The following PPP1R12A variants were observed in gnomAD, a reference collection of about 807,000 sequenced individuals.
PPP1R12A encodes myosin binding subunit.
PPP1R12A carries 19 observed loss-of-function variants against 139.6 expected under a neutral mutation model. The ratio of observed to expected loss-of-function variants is 0.14; its 90% confidence interval spans 0.09 to 0.20. The LOEUF (loss-of-function observed/expected upper bound fraction) is 0.20, where lower values mean the gene tolerates loss of function less well. Ranked by LOEUF, PPP1R12A falls within the 10% of genes least tolerant of loss-of-function variation. The pLI is 1.00. For missense variants in PPP1R12A, 925 were observed against 1,211.5 expected (o/e 0.76, Z 3.51); for synonymous variants, 427 against 420.6 (o/e 1.02, Z -0.19).
intron 2 of PPP1R12A, among the ~76,000 whole-genome samples, chr12:79,850,348 G>C (rs966858550): frequency 2.0e-5 from 3 of 152,176 alleles, no homozygotes; most frequent in African/African-American, 4.8e-5. Flanking sequence ...TGGTATATTA[G>C]ATAAACAGGT....
chr12:79,876,847 T>TAAA (rs1883152857), intron 1 of PPP1R12A, among the ~76,000 whole-genome samples: 1 of 151,914 alleles, frequency 6.6e-6, no homozygotes, highest in African/African-American at 2.4e-5. Flanking sequence ...CTGTCTCTAC[T>TAAA]AAAAATACAA....
intron 14 of PPP1R12A, among the ~76,000 whole-genome samples, chr12:79,802,044 T>C (rs892519281): frequency 6.6e-6 from 1 of 152,182 alleles, no homozygotes; most frequent in Non-Finnish European, 1.5e-5. Context: ...AATAAGAGAA[T>C]AACTAATAAT....
At chr12:79,812,829 T>C (rs1275942908) in intron 9 of PPP1R12A, among the ~76,000 whole-genome samples, 1 of 152,196 alleles carries the variant, frequency 6.6e-6, no homozygotes, top group Non-Finnish European at 1.5e-5. Context: ...CAATCTCCTA[T>C]GTTTCAAACT....
At chr12:79,800,325 A>C (rs575427459) in intron 14 of PPP1R12A, among the ~76,000 whole-genome samples, 2 of 152,286 alleles carry the variant, frequency 1.3e-5, no homozygotes, top group Admixed American at 1.3e-4. Context: ...CCTCAGTGTG[A>C]AGACGAAGAG....
intron 1 of PPP1R12A, among the ~76,000 whole-genome samples, chr12:79,933,642 T>C (rs970759711): frequency 2.6e-5 from 4 of 152,250 alleles, no homozygotes; most frequent in African/African-American, 4.8e-5. Context: ...TTGTCACCTA[T>C]TACCGTCACT....
chr12:79,828,306 T>C lies in PPP1R12A; in HGVS notation c.792+14A>G, dbSNP rs1316508542. The C allele has an allele frequency of 1.6e-5, 26 of 1,598,312 alleles. No individual in the cohort carries two copies. Among genetic ancestry groups the C allele is most frequent in the Non-Finnish European group, 1.7e-5 (20 of 1,172,146 alleles). On this transcript the variant is annotated intron_variant, in intron 5 of 24. Transcript: ENST00000450142. ...CTAAAAGTTAAAGTATTAAAATACG[T>C]TTAAAACGCCTACCACTTTGTTGAC...
intron 23 of PPP1R12A, chr12:79,779,514 C>T (rs1487117165): frequency 2.2e-6 from 1 of 465,104 alleles, no homozygotes; most frequent in Non-Finnish European, 3.9e-6. Context: ...AGACAGAATC[C>T]TACTGATCGT....
rs182597654 is a variant in PPP1R12A, at chr12:79,775,343, G to C, written c.*586C>G. ...ACAACACAGCATTAGCCTAATACAT[G>C]ACAATAATCACAGAAGAGCAAGTGT... is the stretch of plus-strand genomic sequence containing the variant. On this transcript the variant is annotated 3_prime_UTR_variant, in exon 25 of 25. Transcript: ENST00000450142. 83 of 152,580 alleles carry C rather than the reference G, an allele frequency of 5.4e-4. No individual in the cohort carries two copies. The highest frequency in any genetic ancestry group is 6.0e-4 in the Non-Finnish European group (41 of 67,998). 9.5% of individuals were successfully genotyped at this position (152,580 alleles called of 1,614,324 possible).
At chr12:79,811,917 GAGTC>G (rs559009859) in intron 9 of PPP1R12A, among the ~76,000 whole-genome samples, 279 of 152,216 alleles carry the variant, frequency 1.8e-3, no homozygotes, top group Middle Eastern at 6.8e-3. Flanking sequence ...AAAACAGCCA[GAGTC>G]AGTCAGTCAG....
chr12:79,935,140 G>T (rs912164368), upstream of PPP1R12A: 26 of 1,339,692 alleles, frequency 1.9e-5, no homozygotes, highest in East Asian at 2.2e-4. Flanking sequence ...TCCTACCACA[G>T]AAGCCCTCCC....
At chr12:79,932,950 A>G (rs189996603) in intron 1 of PPP1R12A, among the ~76,000 whole-genome samples, 19 of 152,326 alleles carry the variant, frequency 1.2e-4, no homozygotes, top group Non-Finnish European at 2.5e-4. Flanking sequence ...TCCTACAGTA[A>G]TAATCGTCTT....
At chr12:79,899,727 GC>G (rs1341764991) in intron 1 of PPP1R12A, among the ~76,000 whole-genome samples, 1 of 151,892 alleles carries the variant, frequency 6.6e-6, no homozygotes, top group Non-Finnish European at 1.5e-5. Context: ...TTTTCTCTTG[GC>G]TAAACATAAG....
At position 79,925,269 on chromosome 12, in the gene PPP1R12A, T is replaced by C. The variant is rs563072890; in HGVS notation, c.237+9426A>G. On this transcript the variant is annotated intron_variant, in intron 1 of 24. Transcript: ENST00000450142. ...TTGAGTGCATACGTGTACGTGTGTG[T>C]GTGTGTGTGTGTAACAGTCCATGAA... Among the ~76,000 whole-genome samples, 283 of 152,278 alleles carry C rather than the reference T, an allele frequency of 1.9e-3. 1 individual carries two copies. Among genetic ancestry groups the C allele is most frequent in the African/African-American group, 6.4e-3 (266 of 41,552 alleles).
chr12:79,805,564 C>T lies in PPP1R12A; in HGVS notation c.2000+28G>A, dbSNP rs1442623441. On this transcript the variant is annotated intron_variant, in intron 14 of 24. Coordinates refer to ENST00000450142, the MANE Select transcript of PPP1R12A (RefSeq NM_002480.3). The stretch of plus-strand genomic sequence containing the variant: ...ACTTTCATCACTGGGCAAGATATAT[C>T]AGCAGTACTGTTATGACCTTTACAC... The T allele has an allele frequency of 7.5e-6, 12 of 1,599,534 alleles. No individual in the cohort carries two copies. In the African/African-American group the frequency reaches 1.5e-4, roughly 20 times the overall value.
At chr12:79,912,445 AC>A (rs1886649034) in intron 1 of PPP1R12A, among the ~76,000 whole-genome samples, 1 of 152,078 alleles carries the variant, frequency 6.6e-6, no homozygotes, top group African/African-American at 2.4e-5. Flanking sequence ...TAATCCCCAC[AC>A]TTTGGAAGGC....
At chr12:79,809,026 TAAATTATATTTATCCA>T (rs1394652092) in intron 10 of PPP1R12A, among the ~76,000 whole-genome samples, 3 of 152,130 alleles carry the variant, frequency 2.0e-5, no homozygotes, top group Non-Finnish European at 4.4e-5. Flanking sequence ...AAATATTATT[TAAATTATATTTATCCA>T]AATATGGCTA....
intron 15 of PPP1R12A, among the ~76,000 whole-genome samples, chr12:79,797,667 T>C (rs1274315668): frequency 3.9e-5 from 6 of 152,076 alleles, no homozygotes; most frequent in Admixed American, 3.9e-4. Flanking sequence ...TGTTTGTATA[T>C]TATAAATATT....
At chr12:79,919,988 C>T (rs1887314308) in intron 1 of PPP1R12A, among the ~76,000 whole-genome samples, 2 of 152,170 alleles carry the variant, frequency 1.3e-5, no homozygotes, top group African/African-American at 2.4e-5. Flanking sequence ...ATTTTTGTCA[C>T]CCTAAAAAGT....
At position 79,872,892 on chromosome 12, in the gene PPP1R12A, T is replaced by C; in HGVS notation, c.284A>G (p.Asn95Ser). ...ATCAGGTTGATTAATATTTGCTCCA[T>C]TTTCTACCAGAAACTTCACCATATC... ...NVDMVKFLVE[N>S]GANINQPDNE... The change falls in exon 2 of 25, where the codon AAT (asparagine) becomes AGT (serine). Residue 95 changes from asparagine (N) to serine (S), a missense_variant. Asn to Ser is a conservative substitution (Grantham distance 46). Coordinates refer to ENST00000450142, the MANE Select transcript of PPP1R12A (RefSeq NM_002480.3). 2.5e-6 allele frequency: 4 copies of C among 1,613,442 alleles called. No homozygotes were observed. The highest frequency in any genetic ancestry group is 3.4e-6 in the Non-Finnish European group (4 of 1,179,652).
Sources: gnomAD v4.1 joint callset for allele counts (sites outside exome capture counted in the v4.1 genomes callset) on GRCh38, gnomAD v4.1.1 for gene constraint, MANE v1.5 for transcripts, NCBI Gene and HGNC (gene_info 2026-07-23, HGNC 2026-07-21) for gene names.